Variants in NOTCH2NLC observed in about 807,000 individuals in gnomAD.
The protein encoded by NOTCH2NLC is notch homolog 2 N-terminal-like protein C.
Under a neutral mutation model 17.7 loss-of-function variants are expected in NOTCH2NLC, and 4 were observed. That is an observed-to-expected ratio of 0.23 (90% CI 0.11 to 0.52). The LOEUF (loss-of-function observed/expected upper bound fraction) is 0.52. Among genes scored for constraint, NOTCH2NLC ranks in the 20% least tolerant of loss-of-function variants. The probability of loss-of-function intolerance (pLI) is 0.96; values close to 1 mark genes in which losing one functional copy is unlikely to be tolerated. For synonymous variants in NOTCH2NLC, 18 were observed against 86.0 expected (o/e 0.21, Z 4.38); for missense variants, 57 against 207.2 (o/e 0.28, Z 4.45).
intron 1 of NOTCH2NLC, among the ~76,000 whole-genome samples, chr1:149,429,552 G>GA (rs1460787947): frequency 6.6e-6 from 1 of 150,720 alleles, no homozygotes; most frequent in Non-Finnish European, 1.5e-5. Context: ...ATAGTGCCTG[G>GA]TATTTAGTAA....
chr1:149,408,600 A>G (rs2084282155), intron 1 of NOTCH2NLC, among the ~76,000 whole-genome samples: 1 of 151,310 alleles, frequency 6.6e-6, no homozygotes, highest in Admixed American at 6.6e-5. Context: ...TGACTGATAC[A>G]TTTCAGGGAA....
Position 149,460,581 on chromosome 1 carries a change from C to A in NOTCH2NLC, c.470-2910C>A, listed in dbSNP as rs1198071278. On this transcript the variant is annotated intron_variant, in intron 3 of 4. Transcript: ENST00000650865. ...CTGGATCGCCTGACCTCATGATCCA[C>A]CCGCCTTGGCCTCCCAAAGTGCTGG... Among the ~76,000 whole-genome samples, 7 of 150,276 alleles carry A rather than the reference C, an allele frequency of 4.7e-5. 1 individual carries two copies. The highest frequency in any genetic ancestry group is 9.8e-5 in the African/African-American group (4 of 41,014).
intron 1 of NOTCH2NLC, among the ~76,000 whole-genome samples, chr1:149,393,456 CTT>C (rs1219855085): frequency 6.7e-6 from 1 of 148,534 alleles, no homozygotes; most frequent in Non-Finnish European, 1.5e-5. Context: ...CCCTTCTAAA[CTT>C]TTGAGTGCTC....
rs1436954367 is a variant in NOTCH2NLC at position 149,390,858 on chromosome 1, G to T, written c.71G>T (p.Arg24Leu). The change falls in exon 1 of 5, where the codon CGC (arginine) becomes CTC (leucine). Residue 24 changes from arginine to leucine, a missense_variant. Arg to Leu is a moderately radical substitution (Grantham distance 102). This residue lies in a region of NOTCH2NLC where 25 missense variants were observed against 27.0 expected (regional missense o/e 0.93). Coordinates refer to ENST00000650865, the MANE Select transcript of NOTCH2NLC (RefSeq NM_001364013.2). ...GGAGGCGGCGACCGAGAAGATGCCC[G>T]CCCTGCGCCGCTCTGCTGTGGGCGC... ...GGGGGDREDARPAPLCCGRCW... is the reference protein window; with the variant it reads ...GGGGGDREDALPAPLCCGRCW... The T allele has an allele frequency of 0.062, 88,154 of 1,430,462 alleles. 9,266 individuals are homozygous for T. Among genetic ancestry groups the T allele is most frequent in the South Asian group, 0.088 (6,473 of 73,544 alleles). The allele number at this position is 1,430,462 out of a possible 1,614,324, so 88.6% of individuals were successfully genotyped here. A position where few individuals can be genotyped will look rare whatever the true frequency, so the allele number is the denominator to read the frequency against.
intron 1 of NOTCH2NLC, among the ~76,000 whole-genome samples, chr1:149,393,617 T>C (rs1231814448): frequency 1.4e-5 from 2 of 147,622 alleles, no homozygotes; most frequent in Non-Finnish European, 3.0e-5. Context: ...GGGAAGTGAC[T>C]CCCTGATTTT....
intron 1 of NOTCH2NLC, among the ~76,000 whole-genome samples, chr1:149,412,130 AC>A (rs2084301401): frequency 5.2e-5 from 7 of 134,296 alleles, no homozygotes; most frequent in African/African-American, 1.1e-4. Flanking sequence ...AAAAAAAAAA[AC>A]AAAAAAAAAA....
chr1:149,393,130 A>T (rs1190547336), intron 1 of NOTCH2NLC, among the ~76,000 whole-genome samples: 1 of 149,728 alleles, frequency 6.7e-6, no homozygotes, highest in Non-Finnish European at 1.5e-5. Flanking sequence ...GATTACTCTG[A>T]CACATAGGGC....
At position 149,467,383 on chromosome 1, in the gene NOTCH2NLC, T is replaced by G. The variant is rs1254820622; in HGVS notation, c.*3230T>G. 2 of 144,578 alleles carry G rather than the reference T, an allele frequency of 1.4e-5. 1 individual carries two copies. The highest frequency in any genetic ancestry group is 3.0e-5 in the Non-Finnish European group (2 of 66,312). 9.0% of individuals were successfully genotyped at this position (144,578 alleles called of 1,614,324 possible). A position where few individuals can be genotyped will look rare whatever the true frequency, so the allele number is the denominator to read the frequency against. On this transcript the variant is annotated 3_prime_UTR_variant, in exon 5 of 5. Coordinates refer to ENST00000650865, the MANE Select transcript of NOTCH2NLC (RefSeq NM_001364013.2). ...ACTGTAGTCACTGTGAGTATTTTAG[T>G]ATTACTGTAGGACTCAAGAGGGAAT...
chr1:149,426,576 C>T (rs1488229694), intron 1 of NOTCH2NLC, among the ~76,000 whole-genome samples: 216 of 104,328 alleles, frequency 2.1e-3, no homozygotes, highest in South Asian at 3.3e-3. Context: ...TTCTTTTTGC[C>T]TTTTTTTTTT....
At chr1:149,432,140 AGTT>A (rs2084455053) in intron 2 of NOTCH2NLC, among the ~76,000 whole-genome samples, 1 of 136,142 alleles carries the variant, frequency 7.3e-6, no homozygotes, top group African/African-American at 2.7e-5. Context: ...TGTGAGGAGT[AGTT>A]CTTCTTTGCT....
At chr1:149,435,499 T>G (rs1336933855) in intron 2 of NOTCH2NLC, among the ~76,000 whole-genome samples, 1 of 148,912 alleles carries the variant, frequency 6.7e-6, no homozygotes, top group African/African-American at 2.5e-5. Context: ...AGGGCTCTTA[T>G]TCCCAAGATG....
At chr1:149,463,190 A>T (rs1380375055) in intron 3 of NOTCH2NLC, among the ~76,000 whole-genome samples, 4 of 150,410 alleles carry the variant, frequency 2.7e-5, no homozygotes, top group Non-Finnish European at 5.9e-5. Flanking sequence ...GAGAGAGTAG[A>T]TGGATCCAGA....
chr1:149,449,133 G>A (rs1278775963), intron 2 of NOTCH2NLC, among the ~76,000 whole-genome samples: 7 of 150,250 alleles, frequency 4.7e-5, no homozygotes, highest in African/African-American at 1.2e-4. Flanking sequence ...TGCCTGCCTC[G>A]GCCTCCCAAA....
At chr1:149,438,099 C>G (rs1192299028) in intron 2 of NOTCH2NLC, among the ~76,000 whole-genome samples, 2 of 150,642 alleles carry the variant, frequency 1.3e-5, no homozygotes, top group South Asian at 4.2e-4. Context: ...TCAAATGGAA[C>G]CTTCTGAAAT....
In NOTCH2NLC at chr1:149,390,817, C is replaced by A. The variant is rs1159100123; in HGVS notation, c.30C>A (p.Gly10=). Reference sequence around the variant, plus strand: ...GGATCTGCCCAGGCGGCGGCGGCGGCGGCGGCGGCGGCGGAGGAGGCGGCG... The same window carrying A: ...GGATCTGCCCAGGCGGCGGCGGCGGAGGCGGCGGCGGCGGAGGAGGCGGCG... MWICPGGGG[G]GGGGGGGGDR... The change falls in exon 1 of 5, where the codon GGC becomes GGA. Residue 10 remains glycine (G), a synonymous_variant. Coordinates refer to ENST00000650865, the MANE Select transcript of NOTCH2NLC (RefSeq NM_001364013.2). 23 of 1,301,634 alleles carry A rather than the reference C, an allele frequency of 1.8e-5. 3 individuals carry two copies. Among genetic ancestry groups the A allele is most frequent in the South Asian group, 9.4e-5 (5 of 52,926 alleles). The allele number at this position is 1,301,634 out of a possible 1,614,324, so 80.6% of individuals were successfully genotyped here. A position where few individuals can be genotyped will look rare whatever the true frequency, so the allele number is the denominator to read the frequency against.
In NOTCH2NLC at chr1:149,419,855, ATTTTTTTTTTTTTT is replaced by A. The variant is rs1166865199; in HGVS notation, c.136-11074_136-11061del. On this transcript the variant is annotated intron_variant, in intron 1 of 4. Coordinates refer to ENST00000650865, the MANE Select transcript of NOTCH2NLC (RefSeq NM_001364013.2). ...GAAGTTCAGGAATATATATATATAT[ATTTTTTTTTTTTTT>A]TTTTTTTTTTTTCCTCAGGCAGAGT... is the stretch of plus-strand genomic sequence containing the variant. 1.5e-3 allele frequency among the ~76,000 whole-genome samples: 115 copies of A among 78,210 alleles called. 6 individuals carry two copies. The Middle Eastern group carries it at 0.062, about 42-fold the overall frequency. 51.3% of individuals were successfully genotyped at this position (78,210 alleles called of 152,430 possible).
At chr1:149,423,273 A>G (rs1392675488) in intron 1 of NOTCH2NLC, among the ~76,000 whole-genome samples, 3 of 150,728 alleles carry the variant, frequency 2.0e-5, no homozygotes, top group African/African-American at 2.4e-5. Context: ...TTTAATCAAG[A>G]CAAATTTCAA....
chr1:149,392,743 A>T (rs2084177824), intron 1 of NOTCH2NLC, among the ~76,000 whole-genome samples: 1 of 151,334 alleles, frequency 6.6e-6, no homozygotes, highest in Non-Finnish European at 1.5e-5. Context: ...AGAGAATTGT[A>T]GGGAATAATA....
intron 1 of NOTCH2NLC, among the ~76,000 whole-genome samples, chr1:149,416,048 A>T (rs2084333205): frequency 6.8e-6 from 1 of 147,012 alleles, no homozygotes; most frequent in South Asian, 2.2e-4. Flanking sequence ...ATATGTCATT[A>T]TTTTCTATAG....
Sources: gnomAD v4.1 joint callset for allele counts (sites outside exome capture counted in the v4.1 genomes callset) on GRCh38, gnomAD v4.1.1 for gene constraint, gnomAD v4.1.1 regional missense constraint, MANE v1.5 for transcripts, NCBI Gene and HGNC (gene_info 2026-07-23, HGNC 2026-07-21) for gene names.